FHOD3: variants seen among roughly 807,000 people sequenced by gnomAD.
The protein encoded by FHOD3 is formin homology 2 domain containing 3.
In FHOD3, 90 loss-of-function variants were observed where a neutral mutation model predicts 173.0. The observed-to-expected ratio is 0.52, with a 90% CI of 0.44 to 0.62. FHOD3 has a LOEUF of 0.62. Ranked by LOEUF, FHOD3 falls within the 20% of genes least tolerant of loss-of-function variation. The pLI is 0.00. For missense variants in FHOD3, 1,945 were observed against 2,034.7 expected, an observed-to-expected ratio of 0.96 and a Z score of 0.85; for synonymous variants, 828 against 823.0, an observed-to-expected ratio of 1.01 and a Z score of -0.10.
chr18:36,500,281 C>A (rs2054962578), intron 3 of FHOD3, among the ~76,000 whole-genome samples: 1 of 152,166 alleles, frequency 6.6e-6, no homozygotes, highest in Non-Finnish European at 1.5e-5. Flanking sequence ...AAATGACTGC[C>A]AAGCAAATAC....
chr18:36,574,430 G>A (rs1223719629), intron 5 of FHOD3, among the ~76,000 whole-genome samples: 1 of 151,122 alleles, frequency 6.6e-6, no homozygotes, highest in Non-Finnish European at 1.5e-5. Flanking sequence ...TTTTCTATTG[G>A]CATTTAATAT....
At chr18:36,698,251 C>G (rs1158659408) in intron 17 of FHOD3, among the ~76,000 whole-genome samples, 1 of 152,234 alleles carries the variant, frequency 6.6e-6, no homozygotes, top group Admixed American at 6.5e-5. Context: ...CTACCTGCTA[C>G]ACCTGCTGTG....
chr18:36,670,772 G>C (rs1231294560), intron 14 of FHOD3, among the ~76,000 whole-genome samples: 3 of 152,016 alleles, frequency 2.0e-5, no homozygotes, highest in African/African-American at 2.4e-5. Flanking sequence ...TATCTTGCTG[G>C]GTGCTGGATG....
chr18:36,439,517 TAGAATGTGTGTG>T (rs1321037802), intron 3 of FHOD3, among the ~76,000 whole-genome samples: 3 of 138,862 alleles, frequency 2.2e-5, no homozygotes, highest in Non-Finnish European at 3.1e-5. Context: ...ACAAAACCAA[TAGAATGTGTGTG>T]TGTGTGTGTG....
chr18:36,360,680 T>A (rs567607341), intron 2 of FHOD3, among the ~76,000 whole-genome samples: 1 of 152,272 alleles, frequency 6.6e-6, no homozygotes, highest in East Asian at 1.9e-4. Context: ...AGCCTGCAGA[T>A]CATGGGCCCT....
intron 3 of FHOD3, among the ~76,000 whole-genome samples, chr18:36,493,910 T>C (rs988581858): frequency 6.6e-6 from 1 of 152,212 alleles, no homozygotes; most frequent in African/African-American, 2.4e-5. Flanking sequence ...TTAATGTATT[T>C]GACACTTGAT....
chr18:36,745,918 C>T (rs1416521628), intron 23 of FHOD3, among the ~76,000 whole-genome samples: 1 of 151,878 alleles, frequency 6.6e-6, no homozygotes, highest in Non-Finnish European at 1.5e-5. Flanking sequence ...CTGGACACAG[C>T]CTTTCCCATC....
chr18:36,747,165 T>C, intron 24 of FHOD3, 30 bp downstream of exon 24: 2 of 1,546,722 alleles, frequency 1.3e-6, no homozygotes, highest in Non-Finnish European at 1.8e-6. Context: ...TATAGAAATA[T>C]CAGTACAATG....
intron 5 of FHOD3, among the ~76,000 whole-genome samples, chr18:36,555,500 T>A (rs2057842005): frequency 6.6e-6 from 1 of 152,110 alleles, no homozygotes; most frequent in Admixed American, 6.6e-5. Flanking sequence ...GAATGTATAT[T>A]CTGTTGTTCT....
Position 36,681,459 on chromosome 18 carries a change from C to T in FHOD3, c.1859C>T (p.Thr620Ile), listed in dbSNP as rs2038230994. The change falls in exon 15 of 29, where the codon ACA becomes ATA. Residue 620 changes from threonine (T) to isoleucine (I), a missense_variant. Around this residue, in one of 5 missense-constraint regions of FHOD3, gnomAD observed 1,099 missense variants for 1,051.2 expected, o/e 1.05. Coordinates refer to ENST00000590592, the MANE Select transcript of FHOD3 (RefSeq NM_001281740.3). Reference sequence around the variant, plus strand: ...AGGTCATCACCGAGTGGTCTTCTCACATCATCCTTCAGGCAGCACCAAGAG... The same window carrying T: ...AGGTCATCACCGAGTGGTCTTCTCATATCATCCTTCAGGCAGCACCAAGAG... ...LERSSPSGLL[T>I]SSFRQHQESL... is the part of the protein sequence containing the mutation. The T allele has an allele frequency of 1.2e-6, 2 of 1,613,930 alleles. No individual in the cohort carries two copies. Among genetic ancestry groups the T allele is most frequent in the Non-Finnish European group, 1.7e-6 (2 of 1,179,894 alleles).
intron 3 of FHOD3, among the ~76,000 whole-genome samples, chr18:36,411,028 C>A (rs1012412311): frequency 2.6e-5 from 4 of 151,874 alleles, no homozygotes; most frequent in African/African-American, 9.7e-5. Flanking sequence ...TCTAATTTAC[C>A]CAGTTTTTTC....
At chr18:36,346,983 G>A (rs2045905836) in intron 1 of FHOD3, among the ~76,000 whole-genome samples, 1 of 152,194 alleles carries the variant, frequency 6.6e-6, no homozygotes. Flanking sequence ...CAAACTCATT[G>A]TGCTCCTCAC....
chr18:36,583,184 G>A (rs1030782963), intron 6 of FHOD3, among the ~76,000 whole-genome samples: 15 of 152,172 alleles, frequency 9.9e-5, no homozygotes, highest in African/African-American at 3.6e-4. Flanking sequence ...TGTACAATTA[G>A]TGGGAAGCCG....
At chr18:36,431,884 A>G (rs2050570931) in intron 3 of FHOD3, among the ~76,000 whole-genome samples, 1 of 152,226 alleles carries the variant, frequency 6.6e-6, no homozygotes, top group African/African-American at 2.4e-5. Flanking sequence ...CTTGAAAAAT[A>G]TACTGTGACT....
chr18:36,395,712 T>C (rs1391652616), intron 3 of FHOD3, among the ~76,000 whole-genome samples: 1 of 152,142 alleles, frequency 6.6e-6, no homozygotes, highest in Non-Finnish European at 1.5e-5. Context: ...TTAAAAGGAT[T>C]TACAAAAATA....
At chr18:36,554,249 A>C (rs1209981898) in intron 5 of FHOD3, among the ~76,000 whole-genome samples, 1 of 152,186 alleles carries the variant, frequency 6.6e-6, no homozygotes, top group Non-Finnish European at 1.5e-5. Flanking sequence ...AATGTCCATC[A>C]ATGATAGACT....
At chr18:36,734,302 T>C (rs181503109) in intron 20 of FHOD3, among the ~76,000 whole-genome samples, 41 of 152,338 alleles carry the variant, frequency 2.7e-4, no homozygotes, top group Non-Finnish European at 5.4e-4. Flanking sequence ...AGTGCTTTGT[T>C]GTAGGAGGCT....
At chr18:36,451,625 G>A (rs1054098100) in intron 3 of FHOD3, among the ~76,000 whole-genome samples, 7 of 152,164 alleles carry the variant, frequency 4.6e-5, no homozygotes, top group Admixed American at 2.0e-4. Context: ...CTTCTCCTCC[G>A]GTGTCTTGGG....
At chr18:36,537,318 G>C (rs557925245) in intron 5 of FHOD3, among the ~76,000 whole-genome samples, 1 of 152,318 alleles carries the variant, frequency 6.6e-6, no homozygotes, top group East Asian at 1.9e-4. Context: ...CATCATGTCA[G>C]ACTGTTATTC....
Sources: gnomAD v4.1 joint callset for allele counts (sites outside exome capture counted in the v4.1 genomes callset) on GRCh38, gnomAD v4.1.1 for gene constraint, gnomAD v4.1.1 regional missense constraint, MANE v1.5 for transcripts, NCBI Gene and HGNC (gene_info 2026-07-23, HGNC 2026-07-21) for gene names.